Variants in JAZF1 observed in about 807,000 individuals in gnomAD.
JAZF1 encodes JAZF zinc finger 1.
Under a neutral mutation model 26.4 loss-of-function variants are expected in JAZF1, and 8 were observed. The ratio of observed to expected loss-of-function variants is 0.30; its 90% confidence interval spans 0.18 to 0.55. The LOEUF (loss-of-function observed/expected upper bound fraction) is 0.55, where lower values mean the gene tolerates loss of function less well. Among genes scored for constraint, JAZF1 ranks in the 20% least tolerant of loss-of-function variants. The probability of loss-of-function intolerance (pLI) is 0.94; values close to 1 mark genes in which losing one functional copy is unlikely to be tolerated. For synonymous variants in JAZF1, 126 were observed against 122.3 expected (o/e 1.03, Z -0.20); for missense variants, 199 against 322.0 (o/e 0.62, Z 2.92).
At chr7:28,115,754 C>A (rs1051834303) in intron 1 of JAZF1, among the ~76,000 whole-genome samples, 9 of 152,076 alleles carry the variant, frequency 5.9e-5, no homozygotes, top group Non-Finnish European at 1.0e-4. Context: ...TCCATGCTAT[C>A]CCCCACCTAC....
At chr7:27,995,936 G>A (rs1361423514) in intron 1 of JAZF1, among the ~76,000 whole-genome samples, 1 of 152,144 alleles carries the variant, frequency 6.6e-6, no homozygotes, top group Admixed American at 6.6e-5. Context: ...ACCTTTCTCA[G>A]TAGGAACTGG....
intron 2 of JAZF1, among the ~76,000 whole-genome samples, chr7:27,976,632 A>G (rs924614523): frequency 2.0e-5 from 3 of 152,196 alleles, no homozygotes; most frequent in Non-Finnish European, 4.4e-5. Flanking sequence ...GGAGGAAAAT[A>G]GGAAGGCATG....
chr7:27,851,197 C>G (rs1418184617), intron 3 of JAZF1, among the ~76,000 whole-genome samples: 1 of 152,194 alleles, frequency 6.6e-6, no homozygotes, highest in South Asian at 2.1e-4. Context: ...CCCGCCTCGG[C>G]CTCCCAAAGT....
chr7:27,887,218 C>A (rs1783884113), intron 3 of JAZF1, among the ~76,000 whole-genome samples: 1 of 151,616 alleles, frequency 6.6e-6, no homozygotes, highest in African/African-American at 2.4e-5. Flanking sequence ...GGACAATAAA[C>A]CCCCATGACA....
intron 1 of JAZF1, among the ~76,000 whole-genome samples, chr7:28,032,435 G>C (rs1360333522): frequency 6.6e-6 from 1 of 152,054 alleles, no homozygotes; most frequent in Non-Finnish European, 1.5e-5. Context: ...TATAGTTTTG[G>C]AATTAAAGAG....
intron 2 of JAZF1, among the ~76,000 whole-genome samples, chr7:27,927,101 G>C (rs549144027): frequency 6.6e-6 from 1 of 152,286 alleles, no homozygotes; most frequent in East Asian, 1.9e-4. Context: ...TTATCTTCTA[G>C]AAGTTGAGGA....
chr7:27,916,797 C>T (rs1445719747), intron 2 of JAZF1, among the ~76,000 whole-genome samples: 1 of 152,236 alleles, frequency 6.6e-6, no homozygotes, highest in East Asian at 1.9e-4. Context: ...TCAGCCTCAG[C>T]TGGGAACGTG....
At chr7:28,099,397 G>A (rs932332747) in intron 1 of JAZF1, among the ~76,000 whole-genome samples, 1 of 149,624 alleles carries the variant, frequency 6.7e-6, no homozygotes, top group African/African-American at 2.5e-5. Context: ...ATAAATTCCA[G>A]CTTAGAAAAG....
intron 1 of JAZF1, among the ~76,000 whole-genome samples, chr7:28,156,136 C>G (rs1481278320): frequency 6.6e-6 from 1 of 152,238 alleles, no homozygotes; most frequent in Non-Finnish European, 1.5e-5. Flanking sequence ...TCATCTAAAT[C>G]ATTTGGGTGG....
intron 1 of JAZF1, among the ~76,000 whole-genome samples, chr7:28,149,227 T>G (rs143522357): frequency 6.6e-6 from 1 of 152,144 alleles, no homozygotes; most frequent in Non-Finnish European, 1.5e-5. Context: ...TCTTAGCAAT[T>G]GAACCAGACA....
At chr7:27,970,854 T>G (rs1231390651) in intron 2 of JAZF1, among the ~76,000 whole-genome samples, 1 of 152,248 alleles carries the variant, frequency 6.6e-6, no homozygotes. Flanking sequence ...CTAGTTTTAG[T>G]TAATTCCAAA....
At chr7:28,163,118 T>A (rs919931274) in intron 1 of JAZF1, among the ~76,000 whole-genome samples, 1 of 152,196 alleles carries the variant, frequency 6.6e-6, no homozygotes, top group Admixed American at 6.5e-5. Context: ...AAAAGCATTA[T>A]CAGCTCATGG....
chr7:27,875,707 A>G (rs1412193721), intron 3 of JAZF1, among the ~76,000 whole-genome samples: 2 of 152,124 alleles, frequency 1.3e-5, no homozygotes, highest in African/African-American at 4.8e-5. Flanking sequence ...TGTCCACCCC[A>G]TGTGAATCTT....
At chr7:28,130,292 GA>G (rs982266087) in intron 1 of JAZF1, among the ~76,000 whole-genome samples, 1 of 151,196 alleles carries the variant, frequency 6.6e-6, no homozygotes, top group Admixed American at 6.6e-5. Flanking sequence ...GACTCTACTG[GA>G]AAAAAAACAA....
chr7:28,148,468 T>C (rs1479579388), intron 1 of JAZF1, among the ~76,000 whole-genome samples: 2 of 152,214 alleles, frequency 1.3e-5, no homozygotes, highest in African/African-American at 4.8e-5. Flanking sequence ...TCTCTCATCA[T>C]TACTCACTTA....
chr7:27,969,537 A>C (rs1292930122), intron 2 of JAZF1, among the ~76,000 whole-genome samples: 1 of 152,172 alleles, frequency 6.6e-6, no homozygotes, highest in Non-Finnish European at 1.5e-5. Context: ...ACTCACATCA[A>C]GCCAGGGAAA....
intron 2 of JAZF1, among the ~76,000 whole-genome samples, chr7:27,963,198 A>G (rs1359193380): frequency 2.0e-5 from 3 of 152,262 alleles, no homozygotes; most frequent in Non-Finnish European, 4.4e-5. Context: ...TTTGGCATAC[A>G]GCATTCTGCA....
chr7:28,137,487 A>C (rs1470944289), intron 1 of JAZF1, among the ~76,000 whole-genome samples: 1 of 152,214 alleles, frequency 6.6e-6, no homozygotes, highest in African/African-American at 2.4e-5. Flanking sequence ...AATCCATAGC[A>C]AATCAGAATG....
chr7:27,990,573 T>C (rs542909831), intron 2 of JAZF1, among the ~76,000 whole-genome samples: 2 of 152,316 alleles, frequency 1.3e-5, no homozygotes, highest in South Asian at 2.1e-4. Flanking sequence ...TGTATATACA[T>C]AGGTGACATA....
Sources: allele counts gnomAD v4.1 joint callset (sites outside exome capture counted in the v4.1 genomes callset), GRCh38; gene constraint gnomAD v4.1.1; transcripts MANE v1.5; gene names NCBI Gene and HGNC (gene_info 2026-07-23, HGNC 2026-07-21).